The following GPC6 variants were observed in gnomAD, a reference collection of about 807,000 sequenced individuals.
The protein encoded by GPC6 is glypican 6.
Under a neutral mutation model 55.2 loss-of-function variants are expected in GPC6, and 14 were observed. The observed-to-expected ratio is 0.25, with a 90% CI of 0.17 to 0.40. The LOEUF is 0.40. Among genes scored for constraint, GPC6 ranks in the 10% least tolerant of loss-of-function variants. GPC6 has a pLI of 1.00. For missense variants in GPC6, 641 were observed against 708.5 expected (o/e 0.90, Z 1.08); for synonymous variants, 278 against 259.6 (o/e 1.07, Z -0.68).
intron 4 of GPC6, among the ~76,000 whole-genome samples, chr13:94,236,601 A>G (rs1423740429): frequency 6.6e-6 from 1 of 152,206 alleles, no homozygotes. Context: ...AATATAAACC[A>G]AGGTGAGGCG....
intron 1 of GPC6, among the ~76,000 whole-genome samples, chr13:93,397,762 CTT>C (rs11305342): frequency 6.8e-6 from 1 of 146,254 alleles, no homozygotes; most frequent in African/African-American, 2.5e-5. Context: ...TCTCCCTCCT[CTT>C]TTTTTTTTTC....
At chr13:93,225,228 G>A (rs1441211342), upstream of GPC6, among the ~76,000 whole-genome samples, 1 of 152,196 alleles carries the variant, frequency 6.6e-6, no homozygotes, top group African/African-American at 2.4e-5. Flanking sequence ...GATACAAAGA[G>A]AAGTTTGAAG....
At chr13:93,690,825 T>C (rs1882232028) in intron 2 of GPC6, among the ~76,000 whole-genome samples, 2 of 152,144 alleles carry the variant, frequency 1.3e-5, no homozygotes, top group Non-Finnish European at 2.9e-5. Context: ...GGTTATTTTA[T>C]TTTATTTTAT....
intron 2 of GPC6, among the ~76,000 whole-genome samples, chr13:93,648,002 C>T (rs906949303): frequency 1.3e-5 from 2 of 152,064 alleles, no homozygotes; most frequent in African/African-American, 4.8e-5. Flanking sequence ...GTAAGGACTC[C>T]TTTCCAAAGT....
At chr13:94,211,554 G>A (rs1003769475) in intron 4 of GPC6, among the ~76,000 whole-genome samples, 21 of 152,206 alleles carry the variant, frequency 1.4e-4, no homozygotes, top group African/African-American at 5.1e-4. Context: ...GTCATTTGAA[G>A]GGAGTAAGTT....
chr13:94,296,537 T>A (rs1427262902), intron 5 of GPC6, among the ~76,000 whole-genome samples: 2 of 152,228 alleles, frequency 1.3e-5, no homozygotes, highest in Non-Finnish European at 2.9e-5. Context: ...TAGAGAAATT[T>A]CATGGCCTCT....
At chr13:93,928,811 A>G (rs1265329686) in intron 3 of GPC6, among the ~76,000 whole-genome samples, 3 of 151,646 alleles carry the variant, frequency 2.0e-5, no homozygotes, top group African/African-American at 7.3e-5. Flanking sequence ...GGTTCTCTTC[A>G]TTCAAATATC....
At chr13:93,758,953 G>T (rs564912270) in intron 2 of GPC6, among the ~76,000 whole-genome samples, 4 of 152,204 alleles carry the variant, frequency 2.6e-5, no homozygotes, top group African/African-American at 9.6e-5. Flanking sequence ...TCCTGCCTCT[G>T]AGCCTTAAGT....
intron 1 of GPC6, among the ~76,000 whole-genome samples, chr13:93,244,342 C>T (rs1177750584): frequency 1.3e-5 from 2 of 152,304 alleles, no homozygotes; most frequent in Non-Finnish European, 2.9e-5. Flanking sequence ...AGACAGAAAC[C>T]GCAGCTCTTA....
At chr13:94,152,792 A>G (rs557431611) in intron 4 of GPC6, among the ~76,000 whole-genome samples, 2 of 152,244 alleles carry the variant, frequency 1.3e-5, no homozygotes, top group African/African-American at 4.8e-5. Context: ...TTATGCTCCC[A>G]TAAATAATTT....
chr13:93,877,769 G>A (rs531644409), intron 3 of GPC6, among the ~76,000 whole-genome samples: 1 of 152,208 alleles, frequency 6.6e-6, no homozygotes, highest in East Asian at 1.9e-4. Context: ...TAAATTTAGA[G>A]TTTGTGATAG....
chr13:93,454,782 G>A (rs1330520826), intron 1 of GPC6, among the ~76,000 whole-genome samples: 1 of 152,230 alleles, frequency 6.6e-6, no homozygotes, highest in Non-Finnish European at 1.5e-5. Context: ...CGCGCCCTGC[G>A]CCTGCACTCC....
intron 1 of GPC6, among the ~76,000 whole-genome samples, chr13:93,462,989 G>A (rs1053472848): frequency 1.3e-5 from 2 of 152,110 alleles, no homozygotes; most frequent in African/African-American, 4.8e-5. Flanking sequence ...ACATAGGACA[G>A]TTTGTGTATG....
At chr13:93,342,012 G>C (rs1011031928) in intron 1 of GPC6, among the ~76,000 whole-genome samples, 3 of 151,564 alleles carry the variant, frequency 2.0e-5, no homozygotes, top group Admixed American at 2.0e-4. Context: ...GGGACTCCAG[G>C]TGTCCAGCAC....
chr13:94,146,258 T>G (rs1328678454), intron 4 of GPC6, among the ~76,000 whole-genome samples: 1 of 152,060 alleles, frequency 6.6e-6, no homozygotes, highest in Non-Finnish European at 1.5e-5. Context: ...CAATATATGT[T>G]GTTCTGAATT....
intron 3 of GPC6, among the ~76,000 whole-genome samples, chr13:94,016,073 T>C (rs1474820428): frequency 1.3e-5 from 2 of 152,196 alleles, no homozygotes; most frequent in South Asian, 2.1e-4. Context: ...GTAACTGTCA[T>C]TGTGATCTCT....
rs565256666 is a variant in GPC6 at position 93,389,459 on chromosome 13, GCA to G, written c.161-155802_161-155801del. Among the ~76,000 whole-genome samples the G allele has an allele frequency of 1.1e-4, 16 of 149,170 alleles. No homozygotes were observed. The South Asian group carries it at 2.3e-3, about 22-fold the overall frequency. ...GTGGAGCTTGTAGTGAGCCGAGATC[GCA>G]CCACTGCACTCCAGCTTGGGCAACA... On this transcript the variant is annotated intron_variant, in intron 1 of 8. Transcript: ENST00000377047.
intron 4 of GPC6, among the ~76,000 whole-genome samples, chr13:94,247,121 G>A (rs1891220442): frequency 6.6e-6 from 1 of 151,896 alleles, no homozygotes; most frequent in African/African-American, 2.4e-5. Flanking sequence ...CCATAAATGG[G>A]ATTTTTTAAA....
At chr13:93,931,602 A>G (rs1040109710) in intron 3 of GPC6, among the ~76,000 whole-genome samples, 9 of 151,872 alleles carry the variant, frequency 5.9e-5, no homozygotes, top group African/African-American at 2.2e-4. Context: ...CGTCTCTACT[A>G]AAAATATAAA....
Sources: gnomAD v4.1 joint callset for allele counts (sites outside exome capture counted in the v4.1 genomes callset) on GRCh38, gnomAD v4.1.1 for gene constraint, MANE v1.5 for transcripts, NCBI Gene and HGNC (gene_info 2026-07-23, HGNC 2026-07-21) for gene names.